The following TNFRSF10A variants were observed in gnomAD, a reference collection of about 807,000 sequenced individuals.
TNFRSF10A encodes TNF receptor superfamily member 10a, also known as tumor necrosis factor receptor superfamily member 10A.
A neutral mutation model predicts 42.8 loss-of-function variants in TNFRSF10A; 44 were observed. The ratio of observed to expected loss-of-function variants is 1.03; its 90% CI spans 0.81 to 1.32. The LOEUF (loss-of-function observed/expected upper bound fraction) is 1.32. Ranked by LOEUF, TNFRSF10A falls within the 40% of genes most tolerant of loss-of-function variation. The pLI, the probability that TNFRSF10A is intolerant of heterozygous loss-of-function variation, is 0.00. For synonymous variants in TNFRSF10A, 259 were observed against 234.2 expected, an observed-to-expected ratio of 1.11 and a Z score of -0.97; for missense variants, 680 against 602.0, an observed-to-expected ratio of 1.13 and a Z score of -1.36.
At chr8:23,210,187 A>G (rs548403264) in intron 2 of TNFRSF10A, among the ~76,000 whole-genome samples, 45 of 152,326 alleles carry the variant, frequency 3.0e-4, no homozygotes, top group African/African-American at 1.1e-3. Context: ...TGTTAAGTCC[A>G]ATTAAACCTC....
At chr8:23,224,491 ACG>A (rs1801305038) in intron 1 of TNFRSF10A, 1 of 512,962 alleles carries the variant, frequency 1.9e-6, no homozygotes, top group Non-Finnish European at 3.5e-6. Context: ...CAGGAGGGAG[ACG>A]CGCCAGGCAG....
intron 2 of TNFRSF10A, among the ~76,000 whole-genome samples, chr8:23,209,233 C>T (rs889391780): frequency 1.3e-5 from 2 of 152,230 alleles, no homozygotes; most frequent in African/African-American, 4.8e-5. Flanking sequence ...ATGAAAACGC[C>T]TGGATGCCCA....
intron 2 of TNFRSF10A, among the ~76,000 whole-genome samples, chr8:23,210,428 T>C (rs1801078488): frequency 6.6e-6 from 1 of 152,144 alleles, no homozygotes; most frequent in African/African-American, 2.4e-5. Context: ...ACGACTGTAA[T>C]CCCAGCACTT....
At chr8:23,224,625 G>C in intron 1 of TNFRSF10A, 131 bp downstream of exon 1, 1 of 1,237,122 alleles carries the variant, frequency 8.1e-7, no homozygotes, top group Middle Eastern at 2.9e-4. Flanking sequence ...CCGACGACGG[G>C]CTCCTCCTGC....
At chr8:23,193,790 T>A (rs1800785927) in intron 9 of TNFRSF10A, among the ~76,000 whole-genome samples, 1 of 152,250 alleles carries the variant, frequency 6.6e-6, no homozygotes, top group African/African-American at 2.4e-5. Context: ...ATTATTTCTA[T>A]GTGTTTGCTA....
intron 1 of TNFRSF10A, among the ~76,000 whole-genome samples, chr8:23,223,166 C>T (rs1357119333): frequency 6.6e-6 from 1 of 152,282 alleles, no homozygotes; most frequent in African/African-American, 2.4e-5. Context: ...CCCAGGTTCA[C>T]GCCATTCTCC....
chr8:23,223,761 T>C (rs1469224481), intron 1 of TNFRSF10A, among the ~76,000 whole-genome samples: 1 of 152,202 alleles, frequency 6.6e-6, no homozygotes, highest in Non-Finnish European at 1.5e-5. Flanking sequence ...CTTAATGAAC[T>C]TGAAAGAGAA....
chr8:23,196,961 G>A (rs1019091823), intron 9 of TNFRSF10A, among the ~76,000 whole-genome samples, 171 bp downstream of exon 9: 2 of 152,084 alleles, frequency 1.3e-5, no homozygotes, highest in South Asian at 2.1e-4. Flanking sequence ...AGGTAGAGTG[G>A]GAAGAAGAGA....
intron 2 of TNFRSF10A, among the ~76,000 whole-genome samples, chr8:23,209,242 C>T (rs1801059343): frequency 6.6e-6 from 1 of 152,210 alleles, no homozygotes; most frequent in African/African-American, 2.4e-5. Context: ...CCTGGATGCC[C>T]AGGCAAAAGT....
intron 9 of TNFRSF10A, among the ~76,000 whole-genome samples, chr8:23,195,760 G>C (rs1800814820): frequency 6.6e-6 from 1 of 152,108 alleles, no homozygotes; most frequent in Non-Finnish European, 1.5e-5. Flanking sequence ...TTGTGTTTCA[G>C]AAGAAACACA....
chr8:23,196,937 G>GTGCA (rs1200833895), intron 9 of TNFRSF10A, among the ~76,000 whole-genome samples, 195 bp downstream of exon 9: 1 of 152,110 alleles, frequency 6.6e-6, no homozygotes, highest in African/African-American at 2.4e-5. Flanking sequence ...CATTAATAGG[G>GTGCA]TGCAGAAAGG....
At chr8:23,194,066 G>A (rs1453800431) in intron 9 of TNFRSF10A, among the ~76,000 whole-genome samples, 1 of 152,110 alleles carries the variant, frequency 6.6e-6, no homozygotes, top group Non-Finnish European at 1.5e-5. Context: ...TAAAATTTGG[G>A]TTCACAACCT....
At chr8:23,207,897 C>T (rs1313490270) in intron 2 of TNFRSF10A, among the ~76,000 whole-genome samples, 2 of 128,176 alleles carry the variant, frequency 1.6e-5, no homozygotes, top group Admixed American at 8.1e-5. Flanking sequence ...TCATCAGCAG[C>T]ACGAAAAAAA....
intron 1 of TNFRSF10A, among the ~76,000 whole-genome samples, chr8:23,219,213 C>A (rs1384605193): frequency 6.6e-6 from 1 of 152,022 alleles, no homozygotes; most frequent in East Asian, 1.9e-4. Context: ...ATTTGTCCTC[C>A]CACCACCACC....
In TNFRSF10A at chr8:23,224,933, C is replaced by A. The variant is rs1303306331; in HGVS notation, c.129G>T (p.Gly43=). ...TPSKVWGSSA[G]RIEPRGGGRG... ...GGCCCCCGCCTCGTGGTTCAATCCT[C>A]CCCGCGGAAGAGCCCCACACTTTGC... The change falls in exon 1 of 10, where the codon GGG becomes GGT. Residue 43 remains glycine, a synonymous_variant. Transcript: ENST00000221132. 6.3e-7 allele frequency: 1 copy of A among 1,599,692 alleles called. No homozygotes were observed. The highest frequency in any genetic ancestry group is 2.3e-5 in the East Asian group (1 of 44,022).
chr8:23,198,885 G>T (rs75672744), intron 8 of TNFRSF10A, among the ~76,000 whole-genome samples: 2,312 of 152,344 alleles, frequency 0.015, 54 homozygotes, highest in African/African-American at 0.053. Context: ...CAGAGATTTA[G>T]ATCCAAATAT....
intron 1 of TNFRSF10A, among the ~76,000 whole-genome samples, chr8:23,215,053 T>C (rs889119154): frequency 6.6e-6 from 1 of 152,220 alleles, no homozygotes; most frequent in African/African-American, 2.4e-5. Flanking sequence ...ATTGTGGTTA[T>C]ACGGGAGAAT....
intron 2 of TNFRSF10A, among the ~76,000 whole-genome samples, chr8:23,208,858 A>G (rs1036392210): frequency 2.2e-4 from 34 of 152,228 alleles, no homozygotes; most frequent in African/African-American, 8.2e-4. Context: ...GAAATTAAAG[A>G]TGGCTGCATA....
intron 1 of TNFRSF10A, chr8:23,224,299 CAAAAAAAAAAAAAAAA>C (rs71208595): frequency 9.8e-6 from 1 of 101,608 alleles, no homozygotes; most frequent in Non-Finnish European, 2.0e-5. Flanking sequence ...GACTCCGTTT[CAAAAAAAAAAAAAAAA>C]AAAAAAAGAA....
Sources: gnomAD v4.1 joint callset for allele counts (sites outside exome capture counted in the v4.1 genomes callset) on GRCh38, gnomAD v4.1.1 for gene constraint, MANE v1.5 for transcripts, NCBI Gene and HGNC (gene_info 2026-07-23, HGNC 2026-07-21) for gene names.